The following VPS8 variants were observed in gnomAD, a reference collection of about 807,000 sequenced individuals.
The protein encoded by VPS8 is VPS8 subunit of CORVET complex.
A neutral mutation model predicts 216.4 loss-of-function variants in VPS8; 129 were observed. The observed-to-expected ratio is 0.60, with a 90% CI of 0.52 to 0.69. VPS8 has a LOEUF of 0.69. Ranked by LOEUF, VPS8 falls within the 30% of genes least tolerant of loss-of-function variation. VPS8 has a pLI of 0.00. For synonymous variants in VPS8, 571 were observed against 565.4 expected (o/e 1.01, Z -0.14); for missense variants, 1,531 against 1,683.5 (o/e 0.91, Z 1.59).
At chr3:184,982,463 C>G in intron 40 of VPS8, 103 bp from the exon 41 acceptor site, 4 of 708,902 alleles carry the variant, frequency 5.6e-6, no homozygotes, top group Non-Finnish European at 9.2e-6. Context: ...GTGAGAAGTA[C>G]GTTTCAACCT....
At chr3:185,033,863 A>G (rs1455602192) in intron 46 of VPS8, among the ~76,000 whole-genome samples, 2 of 152,148 alleles carry the variant, frequency 1.3e-5, no homozygotes, top group Non-Finnish European at 2.9e-5. Context: ...TAAATTCACA[A>G]TTCCCTGATG....
intron 46 of VPS8, among the ~76,000 whole-genome samples, chr3:185,028,988 G>A (rs202048348): frequency 6.6e-6 from 1 of 152,184 alleles, no homozygotes; most frequent in East Asian, 1.9e-4. Flanking sequence ...CTGATGACTA[G>A]AGGAAAAATA....
intron 25 of VPS8, among the ~76,000 whole-genome samples, chr3:184,909,678 T>A (rs1347026588): frequency 6.6e-6 from 1 of 152,250 alleles, no homozygotes; most frequent in Admixed American, 6.5e-5. Context: ...ACCATTTCTT[T>A]TGCTTAAGGA....
At chr3:184,943,464 TG>T (rs903531516) in intron 36 of VPS8, among the ~76,000 whole-genome samples, 3 of 152,198 alleles carry the variant, frequency 2.0e-5, no homozygotes, top group Non-Finnish European at 4.4e-5. Flanking sequence ...TTTCAGGTAC[TG>T]GGAAAACTGA....
chr3:185,042,611 G>C (rs550685108), intron 46 of VPS8, among the ~76,000 whole-genome samples: 1 of 152,058 alleles, frequency 6.6e-6, no homozygotes, highest in Admixed American at 6.5e-5. Context: ...GGCAGCATCC[G>C]GCAGTGATTT....
intron 15 of VPS8, among the ~76,000 whole-genome samples, chr3:184,861,437 T>C (rs963451892): frequency 2.0e-5 from 3 of 152,242 alleles, no homozygotes; most frequent in African/African-American, 7.2e-5. Context: ...GATTTAGTTG[T>C]ACATTACATT....
intron 34 of VPS8, among the ~76,000 whole-genome samples, chr3:184,934,883 TTTTTC>T (rs1741322131): frequency 6.6e-6 from 1 of 152,204 alleles, no homozygotes; most frequent in Non-Finnish European, 1.5e-5. Context: ...GAATTTTTCT[TTTTTC>T]TATTCTCTGT....
chr3:184,878,663 C>T (rs1365355093), intron 21 of VPS8, among the ~76,000 whole-genome samples: 1 of 152,192 alleles, frequency 6.6e-6, no homozygotes, highest in African/African-American at 2.4e-5. Context: ...GTGTTGATGT[C>T]TAGCACATTG....
At chr3:184,924,605 C>T (rs1739230914) in intron 29 of VPS8, among the ~76,000 whole-genome samples, 1 of 152,138 alleles carries the variant, frequency 6.6e-6, no homozygotes, top group African/African-American at 2.4e-5. Context: ...CACTTTACAT[C>T]TCTACCTCTT....
At chr3:185,033,335 T>G (rs921315862) in intron 46 of VPS8, among the ~76,000 whole-genome samples, 3 of 152,244 alleles carry the variant, frequency 2.0e-5, no homozygotes, top group Non-Finnish European at 2.9e-5. Flanking sequence ...CTTTTTACTA[T>G]ATCCATAGTT....
At chr3:184,817,695 A>G (rs998088296) in intron 1 of VPS8, among the ~76,000 whole-genome samples, 14 of 152,218 alleles carry the variant, frequency 9.2e-5, no homozygotes, top group African/African-American at 2.9e-4. Flanking sequence ...ATTACAAGTA[A>G]TAACACTGAT....
chr3:184,826,791 C>T (rs560730387), intron 3 of VPS8, among the ~76,000 whole-genome samples: 1 of 152,226 alleles, frequency 6.6e-6, no homozygotes, highest in African/African-American at 2.4e-5. Flanking sequence ...CACTCTTCTA[C>T]ATGAAGAAAA....
intron 21 of VPS8, among the ~76,000 whole-genome samples, chr3:184,879,455 G>C (rs1578040982): frequency 6.6e-6 from 1 of 151,974 alleles, no homozygotes; most frequent in Admixed American, 6.6e-5. Context: ...CTTAAAGCAG[G>C]TATTGCTCAC....
intron 39 of VPS8, among the ~76,000 whole-genome samples, chr3:184,969,323 G>C (rs1173173270): frequency 1.3e-5 from 2 of 150,048 alleles, no homozygotes; most frequent in Non-Finnish European, 2.9e-5. Flanking sequence ...TTGCCGTTTT[G>C]GTCAGACTGG....
intron 40 of VPS8, among the ~76,000 whole-genome samples, chr3:184,975,265 T>G (rs928201759): frequency 6.6e-6 from 1 of 152,146 alleles, no homozygotes. Flanking sequence ...TTTCACCTCC[T>G]TGGTTAAATG....
intron 40 of VPS8, among the ~76,000 whole-genome samples, chr3:184,976,321 C>G (rs953740278): frequency 6.6e-6 from 1 of 151,658 alleles, no homozygotes; most frequent in Admixed American, 6.6e-5. Flanking sequence ...CTTTTTGTTA[C>G]AATTTTTTTA....
At chr3:184,883,924 T>A (rs1730713393) in intron 21 of VPS8, among the ~76,000 whole-genome samples, 1 of 152,196 alleles carries the variant, frequency 6.6e-6, no homozygotes, top group Non-Finnish European at 1.5e-5. Flanking sequence ...TCTTGTATGG[T>A]ACATTATTTA....
chr3:184,912,015 A>G (rs1161886939), intron 25 of VPS8, among the ~76,000 whole-genome samples: 2 of 152,046 alleles, frequency 1.3e-5, no homozygotes, highest in African/African-American at 2.4e-5. Flanking sequence ...TTTTGTAACC[A>G]TTTGTCTTTT....
intron 36 of VPS8, among the ~76,000 whole-genome samples, chr3:184,955,336 G>T (rs1330123393): frequency 6.6e-6 from 1 of 152,108 alleles, no homozygotes; most frequent in Non-Finnish European, 1.5e-5. Context: ...AAGTCTTAAA[G>T]TATTTGATCT....
Sources: allele counts gnomAD v4.1 joint callset (sites outside exome capture counted in the v4.1 genomes callset), GRCh38; gene constraint gnomAD v4.1.1; transcripts MANE v1.5; gene names NCBI Gene and HGNC (gene_info 2026-07-23, HGNC 2026-07-21).